Variants in ARHGAP10 observed in about 807,000 individuals in gnomAD.
ARHGAP10 encodes rho GTPase-activating protein 10.
A neutral mutation model predicts 108.6 loss-of-function variants in ARHGAP10; 87 were observed. The observed-to-expected ratio is 0.80, with a 90% CI of 0.67 to 0.96. The LOEUF is 0.96. ARHGAP10 is among the 40% of genes least tolerant of loss of function. The pLI is 0.00. For missense variants in ARHGAP10, 939 were observed against 954.5 expected (o/e 0.98, Z 0.21); for synonymous variants, 347 against 341.1 (o/e 1.02, Z -0.19).
chr4:147,924,394 C>T (rs1007201603), intron 13 of ARHGAP10, among the ~76,000 whole-genome samples: 3 of 152,008 alleles, frequency 2.0e-5, no homozygotes, highest in Admixed American at 6.5e-5. Flanking sequence ...TGGTTTTATA[C>T]GTTTTCCTCC....
At chr4:147,878,355 A>G (rs1226189775) in intron 8 of ARHGAP10, among the ~76,000 whole-genome samples, 1 of 152,184 alleles carries the variant, frequency 6.6e-6, no homozygotes, top group African/African-American at 2.4e-5. Flanking sequence ...TTGGCCTCCC[A>G]AAGTGCTAGG....
chr4:147,993,939 C>T (rs1560864180), intron 18 of ARHGAP10, among the ~76,000 whole-genome samples: 1 of 152,166 alleles, frequency 6.6e-6, no homozygotes, highest in East Asian at 1.9e-4. Flanking sequence ...AACAGCCAAC[C>T]CTGAAAGGGT....
In ARHGAP10 at chr4:147,847,183, C is replaced by T. The variant is rs1733669214; in HGVS notation, c.345C>T (p.Pro115=). ...GTGTAACTGAAACCCTGATTAAACC[C>T]TTGGAAAAATTCAGAAAAGAGCAAC... ...ALSVTETLIK[P]LEKFRKEQLG... Residue 115 remains proline (P), a synonymous_variant, in exon 4 of 23, where the codon CCC becomes CCT. Transcript: ENST00000336498. 1 of 1,613,562 alleles carries T rather than the reference C, an allele frequency of 6.2e-7. No homozygotes were observed. Among genetic ancestry groups the T allele is most frequent in the South Asian group, 1.1e-5 (1 of 91,040 alleles).
intron 14 of ARHGAP10, among the ~76,000 whole-genome samples, chr4:147,943,492 G>C (rs2126966498): frequency 6.6e-6 from 1 of 152,332 alleles, no homozygotes; most frequent in Non-Finnish European, 1.5e-5. Context: ...AGTCAGTGTT[G>C]AGTAGGGTGC....
At chr4:148,023,154 C>G in intron 18 of ARHGAP10, 109 bp from the exon 19 acceptor site, 1 of 1,329,374 alleles carries the variant, frequency 7.5e-7, no homozygotes, top group Non-Finnish European at 1.0e-6. Flanking sequence ...TGGGCTCTAG[C>G]CTGTCTTGAA....
chr4:148,013,858 ACT>A lies in ARHGAP10; in HGVS notation c.1717-9402_1717-9401del, dbSNP rs72470150. Among the ~76,000 whole-genome samples the A allele has an allele frequency of 8.6e-3, 1,303 of 152,088 alleles. 23 individuals carry two copies. The highest frequency in any genetic ancestry group is 0.029 in the African/African-American group (1,192 of 41,468). On this transcript the variant is annotated intron_variant, in intron 18 of 22. Coordinates refer to ENST00000336498, the MANE Select transcript of ARHGAP10 (RefSeq NM_024605.4). ...GTTTCACCAGTGTCATTTAAGGAAG[ACT>A]CTTTTTTATCAGGGTTCTCACTAGC...
At chr4:147,908,186 G>C (rs1736578687) in intron 11 of ARHGAP10, among the ~76,000 whole-genome samples, 1 of 152,112 alleles carries the variant, frequency 6.6e-6, no homozygotes, top group Non-Finnish European at 1.5e-5. Flanking sequence ...ATTTTTAGCT[G>C]TGAATCAAGA....
intron 1 of ARHGAP10, among the ~76,000 whole-genome samples, chr4:147,772,822 A>G (rs926181679): frequency 2.6e-5 from 4 of 151,986 alleles, no homozygotes; most frequent in Non-Finnish European, 5.9e-5. Context: ...GTAGTTTTCC[A>G]ACTGGAGCTT....
intron 13 of ARHGAP10, among the ~76,000 whole-genome samples, chr4:147,936,890 G>T (rs1737972090): frequency 6.6e-6 from 1 of 152,228 alleles, no homozygotes; most frequent in Non-Finnish European, 1.5e-5. Context: ...ACAGCAGGCG[G>T]TGAGCAGTGG....
intron 4 of ARHGAP10, 148 bp from the exon 5 acceptor site, chr4:147,857,405 A>C: frequency 1.4e-6 from 1 of 729,762 alleles, no homozygotes; most frequent in Non-Finnish European, 1.9e-6. Flanking sequence ...TAGGCTTGGT[A>C]CAGATATGTT....
At chr4:147,936,702 T>C (rs1409992079) in intron 13 of ARHGAP10, among the ~76,000 whole-genome samples, 1 of 152,220 alleles carries the variant, frequency 6.6e-6, no homozygotes, top group African/African-American at 2.4e-5. Context: ...TCCTTAGTGT[T>C]CTGAGTAGAC....
chr4:148,006,414 C>T (rs554866158), intron 18 of ARHGAP10, among the ~76,000 whole-genome samples: 1 of 152,190 alleles, frequency 6.6e-6, no homozygotes, highest in Non-Finnish European at 1.5e-5. Context: ...CAGCCTGTTC[C>T]AGCTATTTCC....
At chr4:147,750,196 C>T (rs1229097866) in intron 1 of ARHGAP10, among the ~76,000 whole-genome samples, 1 of 152,012 alleles carries the variant, frequency 6.6e-6, no homozygotes, top group Admixed American at 6.6e-5. Flanking sequence ...TTAATGTATG[C>T]AGTGAGAACA....
intron 22 of ARHGAP10, among the ~76,000 whole-genome samples, chr4:148,068,872 T>C (rs537329212): frequency 6.6e-6 from 1 of 152,180 alleles, no homozygotes; most frequent in African/African-American, 2.4e-5. Flanking sequence ...CCTGCCTCTC[T>C]TTGGTGCTAC....
At chr4:147,793,320 ATTT>A (rs34193686) in intron 1 of ARHGAP10, among the ~76,000 whole-genome samples, 25 of 145,340 alleles carry the variant, frequency 1.7e-4, no homozygotes, top group African/African-American at 4.5e-4. Context: ...ATATATATAT[ATTT>A]TTTTTTTTTT....
intron 10 of ARHGAP10, among the ~76,000 whole-genome samples, chr4:147,904,821 T>G (rs1461154030): frequency 6.6e-6 from 1 of 152,220 alleles, no homozygotes; most frequent in African/African-American, 2.4e-5. Context: ...ACTTCCACAA[T>G]GGTTGAACTA....
intron 1 of ARHGAP10, among the ~76,000 whole-genome samples, chr4:147,766,214 TGG>T (rs1729806182): frequency 1.3e-5 from 2 of 151,760 alleles, no homozygotes; most frequent in Admixed American, 1.3e-4. Context: ...CGCTTGACCC[TGG>T]GAGGCAGAGG....
At chr4:147,820,836 C>G (rs552120403) in intron 1 of ARHGAP10, among the ~76,000 whole-genome samples, 33 of 151,966 alleles carry the variant, frequency 2.2e-4, no homozygotes, top group Non-Finnish European at 4.3e-4. Context: ...AGTGATCTGC[C>G]CACCTTGGCC....
intron 1 of ARHGAP10, among the ~76,000 whole-genome samples, chr4:147,766,935 G>A (rs188298649): frequency 2.9e-4 from 43 of 150,562 alleles, no homozygotes; most frequent in Non-Finnish European, 4.4e-4. Context: ...TGCATCCTCC[G>A]CCTCCCAGAT....
Sources: gnomAD v4.1 joint callset for allele counts (sites outside exome capture counted in the v4.1 genomes callset) on GRCh38, gnomAD v4.1.1 for gene constraint, MANE v1.5 for transcripts, NCBI Gene and HGNC (gene_info 2026-07-23, HGNC 2026-07-21) for gene names.